Variants in IL1RAPL2 observed in about 807,000 individuals in gnomAD.
IL1RAPL2 encodes interleukin 1 receptor accessory protein like 2.
In IL1RAPL2, 3 loss-of-function variants were observed where a neutral mutation model predicts 44.1. The observed-to-expected ratio is 0.07, with a 90% confidence interval of 0.03 to 0.18. The LOEUF (loss-of-function observed/expected upper bound fraction) is 0.18, where lower values mean the gene tolerates loss of function less well. IL1RAPL2 is among the 10% of genes least tolerant of loss of function. IL1RAPL2 has a pLI of 1.00. For missense variants in IL1RAPL2, 391 were observed against 496.4 expected (o/e 0.79, Z 2.02); for synonymous variants, 181 against 178.8 (o/e 1.01, Z -0.10).
intron 6 of IL1RAPL2, among the ~76,000 whole-genome samples, chrX:105,501,096 T>A (rs1024755447): frequency 2.7e-5 from 3 of 111,990 alleles, no homozygotes; most frequent in Non-Finnish European, 3.8e-5. Context: ...ATAAGCACTG[T>A]GCCTGATGCT....
At chrX:104,863,110 G>T (rs990365319) in intron 2 of IL1RAPL2, among the ~76,000 whole-genome samples, 3 of 111,853 alleles carry the variant, frequency 2.7e-5, no homozygotes, top group Non-Finnish European at 5.6e-5. Context: ...GACAGTTGGA[G>T]GATGTAGCTG....
At chrX:105,488,530 A>G (rs988095041) in intron 6 of IL1RAPL2, among the ~76,000 whole-genome samples, 23 of 112,634 alleles carry the variant, frequency 2.0e-4, no homozygotes, top group African/African-American at 7.1e-4. Flanking sequence ...AGCAAAGTAA[A>G]GTGATTGTCA....
At position 105,690,183 on chromosome X, in the gene IL1RAPL2, G is replaced by A. The variant is rs923170897; in HGVS notation, c.773-27184G>A. Among the ~76,000 whole-genome samples the A allele has an allele frequency of 4.5e-5, 5 of 110,435 alleles. No homozygotes were observed. The Admixed American group carries it at 4.8e-4, about 11-fold the overall frequency. ...GTATACCTATGTATCGAACCTGCAT[G>A]TTGTGCACATGTACCCTAGAACTTA... On this transcript the variant is annotated intron_variant, in intron 6 of 10. Transcript: ENST00000372582.
At chrX:104,889,177 TAATGGCAAAC>T (rs1923345938) in intron 2 of IL1RAPL2, among the ~76,000 whole-genome samples, 1 of 111,182 alleles carries the variant, frequency 9.0e-6, no homozygotes, top group Non-Finnish European at 1.9e-5. Flanking sequence ...CCAGGTTCTG[TAATGGCAAAC>T]ATACTCCCTG....
In IL1RAPL2 at chrX:105,202,829, C is replaced by G. The variant is rs1057095133; in HGVS notation, c.356+7081C>G. ...TGTCCATCTATACTATGCCTGCATC[C>G]TTGCAGCTAAACTTGGCTGAAGGAA... On this transcript the variant is annotated intron_variant, in intron 3 of 10. Transcript: ENST00000372582. Among the ~76,000 whole-genome samples, 3 of 112,077 alleles carry G rather than the reference C, an allele frequency of 2.7e-5. No individual in the cohort carries two copies. In the Admixed American group the frequency reaches 2.8e-4, roughly 11 times the overall value.
chrX:105,648,391 A>C (rs2037620970), intron 6 of IL1RAPL2, among the ~76,000 whole-genome samples: 1 of 111,574 alleles, frequency 9.0e-6, no homozygotes, highest in African/African-American at 3.3e-5. Context: ...TCTTTTCTGC[A>C]GGTTGTCTCA....
intron 2 of IL1RAPL2, among the ~76,000 whole-genome samples, chrX:105,026,365 A>G (rs1019540371): frequency 9.0e-6 from 1 of 110,688 alleles, no homozygotes; most frequent in Admixed American, 9.7e-5. Flanking sequence ...TCCTTTGAGC[A>G]TCATGCAGGT....
intron 5 of IL1RAPL2, among the ~76,000 whole-genome samples, chrX:105,358,674 CAAAAAAAAAAAACACAACAACAACAAACA>C (rs1485004782): frequency 1.0e-4 from 3 of 29,556 alleles, no homozygotes; most frequent in African/African-American, 1.2e-4. Flanking sequence ...GACCCTGTCT[CAAAAAAAAAAAACACAACAACAACAAACA>C]AAAAAAAAAA....
intron 2 of IL1RAPL2, among the ~76,000 whole-genome samples, chrX:104,659,487 C>A (rs1333344989): frequency 8.9e-6 from 1 of 111,855 alleles, no homozygotes; most frequent in African/African-American, 3.2e-5. Context: ...AGAGGAATTT[C>A]TCGAGAAGAA....
chrX:105,186,961 T>G (rs1257949751), intron 2 of IL1RAPL2, among the ~76,000 whole-genome samples: 2 of 111,816 alleles, frequency 1.8e-5, no homozygotes, highest in African/African-American at 6.5e-5. Context: ...GCTTCCTCTC[T>G]GATGACTGTC....
intron 4 of IL1RAPL2, among the ~76,000 whole-genome samples, chrX:105,245,936 G>A (rs1350231189): frequency 8.9e-6 from 1 of 112,509 alleles, no homozygotes; most frequent in Non-Finnish European, 1.9e-5. Flanking sequence ...AATGGAATTG[G>A]TTGGGAATGA....
intron 7 of IL1RAPL2, among the ~76,000 whole-genome samples, chrX:105,729,498 T>TTGATTAGG (rs1326203417): frequency 9.0e-6 from 1 of 111,399 alleles, no homozygotes; most frequent in Non-Finnish European, 1.9e-5. Flanking sequence ...TGTATCTTCT[T>TTGATTAGG]TGATTAGGTG....
intron 5 of IL1RAPL2, among the ~76,000 whole-genome samples, chrX:105,383,780 T>A (rs1445118231): frequency 4.5e-5 from 5 of 111,790 alleles, no homozygotes; most frequent in African/African-American, 1.6e-4. Context: ...TCTATTATTG[T>A]CTTTTTTATA....
At chrX:105,538,272 G>A (rs1444140512) in intron 6 of IL1RAPL2, among the ~76,000 whole-genome samples, 1 of 109,488 alleles carries the variant, frequency 9.1e-6, no homozygotes, top group Non-Finnish European at 1.9e-5. Flanking sequence ...TCCTGACCTC[G>A]TGATCTGCCC....
intron 6 of IL1RAPL2, among the ~76,000 whole-genome samples, chrX:105,542,379 T>C (rs909353337): frequency 2.7e-5 from 3 of 112,196 alleles, no homozygotes; most frequent in South Asian, 3.7e-4. Flanking sequence ...CAGCCTGTTG[T>C]AGTCAGCCAG....
intron 5 of IL1RAPL2, among the ~76,000 whole-genome samples, chrX:105,396,711 G>A (rs1199370312): frequency 9.3e-6 from 1 of 107,832 alleles, no homozygotes; most frequent in African/African-American, 3.4e-5. Flanking sequence ...CCTGAGTAAT[G>A]GTTAAAGAGT....
At chrX:105,014,837 C>T (rs1249020761) in intron 2 of IL1RAPL2, among the ~76,000 whole-genome samples, 1 of 111,661 alleles carries the variant, frequency 9.0e-6, no homozygotes, top group African/African-American at 3.3e-5. Context: ...CCCAGTACTG[C>T]GATTGCTGGG....
chrX:105,729,237 T>C (rs2038379633), intron 7 of IL1RAPL2, among the ~76,000 whole-genome samples: 1 of 111,674 alleles, frequency 9.0e-6, no homozygotes. Context: ...TAATGCATCA[T>C]ACTGTAAGAC....
At chrX:105,075,064 C>T (rs1324646056) in intron 2 of IL1RAPL2, among the ~76,000 whole-genome samples, 3 of 110,847 alleles carry the variant, frequency 2.7e-5, no homozygotes, top group Non-Finnish European at 3.8e-5. Flanking sequence ...CCTGGCCAGA[C>T]CTTCCAACAC....
Sources: allele counts gnomAD v4.1 joint callset (sites outside exome capture counted in the v4.1 genomes callset), GRCh38; gene constraint gnomAD v4.1.1; transcripts MANE v1.5; gene names NCBI Gene and HGNC (gene_info 2026-07-23, HGNC 2026-07-21).